Variants in SIPA1L3 observed in about 807,000 individuals in gnomAD.
The protein encoded by SIPA1L3 is signal induced proliferation associated 1 like 3.
Under a neutral mutation model 150.1 loss-of-function variants are expected in SIPA1L3, and 59 were observed. The ratio of observed to expected loss-of-function variants is 0.39; its 90% CI spans 0.32 to 0.49. The LOEUF is 0.49. Among genes scored for constraint, SIPA1L3 ranks in the 20% least tolerant of loss-of-function variants. The pLI, the probability that SIPA1L3 is intolerant of heterozygous loss-of-function variation, is 0.86. For missense variants in SIPA1L3, 2,211 were observed against 2,489.5 expected (o/e 0.89, Z 2.38); for synonymous variants, 1,070 against 1,077.6 (o/e 0.99, Z 0.14).
intron 2 of SIPA1L3, among the ~76,000 whole-genome samples, chr19:38,073,555 A>T (rs1468408054): frequency 6.6e-6 from 1 of 152,138 alleles, no homozygotes; most frequent in African/African-American, 2.4e-5. Context: ...TCCTTCACAC[A>T]GCACCGTGTG....
In SIPA1L3 at chr19:38,119,844, T is replaced by G; in HGVS notation, c.2830T>G (p.Ser944Ala). The change falls in exon 9 of 22, where the codon TCT becomes GCT. Residue 944 changes from serine to alanine, a missense_variant. Physicochemically the swap from Ser to Ala is moderately conservative, Grantham distance 99. Transcript: ENST00000222345. ...DHIFLQATEG[S>A]VEDIREIVQR... ...CATCTTCCTACAGGCGACAGAGGGT[T>G]CTGTGGAGGACATAAGGGAGATAGT... The G allele has an allele frequency of 6.2e-7, 1 of 1,612,872 alleles. No individual in the cohort carries two copies. The highest frequency in any genetic ancestry group is 8.5e-7 in the Non-Finnish European group (1 of 1,179,910).
chr19:38,108,108 C>T (rs1970661078), intron 7 of SIPA1L3, among the ~76,000 whole-genome samples: 3 of 152,126 alleles, frequency 2.0e-5, no homozygotes, highest in Admixed American at 2.0e-4. Flanking sequence ...CCTTGAGTCC[C>T]TGCTGTGTAA....
rs1423162135 is a variant in SIPA1L3 at position 38,082,602 on chromosome 19, A to G, written c.1037A>G (p.Gln346Arg). Reference protein sequence around the residue: ...CQKSFAHFDVQSMLFDLNEAA... With the variant: ...CQKSFAHFDVRSMLFDLNEAA... Reference sequence around the variant, plus strand: ...AAGAGCTTCGCCCACTTCGACGTGCAGAGCATGCTGTTCGACCTCAACGAG... The same window carrying G: ...AAGAGCTTCGCCCACTTCGACGTGCGGAGCATGCTGTTCGACCTCAACGAG... The change falls in exon 3 of 22, where the codon CAG (glutamine) becomes CGG (arginine). Residue 346 changes from glutamine (Q) to arginine (R), a missense_variant. By Grantham distance (43) the Gln-to-Arg change is conservative. Coordinates refer to ENST00000222345, the MANE Select transcript of SIPA1L3 (RefSeq NM_015073.3). The G allele has an allele frequency of 8.1e-6, 13 of 1,604,308 alleles. No homozygotes were observed. Among genetic ancestry groups the G allele is most frequent in the Non-Finnish European group, 9.3e-6 (11 of 1,179,768 alleles).
chr19:38,093,933 C>T (rs539908485), intron 4 of SIPA1L3, among the ~76,000 whole-genome samples: 1 of 152,300 alleles, frequency 6.6e-6, no homozygotes, highest in African/African-American at 2.4e-5. Context: ...CACTGTCTCA[C>T]CCAGGACACT....
At chr19:38,050,677 A>G (rs1435793343) in intron 2 of SIPA1L3, among the ~76,000 whole-genome samples, 1 of 152,212 alleles carries the variant, frequency 6.6e-6, no homozygotes, top group African/African-American at 2.4e-5. Flanking sequence ...AGTTGTCCGA[A>G]GAGCAGGCTT....
chr19:38,060,839 G>A (rs1407713128), intron 2 of SIPA1L3, among the ~76,000 whole-genome samples: 1 of 152,020 alleles, frequency 6.6e-6, no homozygotes, highest in East Asian at 1.9e-4. Flanking sequence ...TTACAGGGGT[G>A]TGCCACCACA....
intron 12 of SIPA1L3, among the ~76,000 whole-genome samples, chr19:38,151,931 C>T (rs1017662843): frequency 3.8e-5 from 5 of 131,728 alleles, no homozygotes; most frequent in Admixed American, 1.9e-4. Context: ...CACTGCACTC[C>T]AGCCTGGTTG....
At chr19:37,983,086 A>G (rs897873877) in intron 1 of SIPA1L3, among the ~76,000 whole-genome samples, 1 of 152,178 alleles carries the variant, frequency 6.6e-6, no homozygotes, top group African/African-American at 2.4e-5. Flanking sequence ...CCTTGCATCT[A>G]CTTCCCTTGG....
chr19:37,955,088 C>CA (rs34802797), intron 1 of SIPA1L3, among the ~76,000 whole-genome samples: 14,878 of 45,070 alleles, frequency 0.33, 3,111 homozygotes, highest in East Asian at 0.7. Context: ...TGCTGTCTCT[C>CA]AAAAAAAAAA....
chr19:38,077,661 C>CTTTTTTTTTTTTTTTTTTTTTTTTTTT (rs58788182), intron 2 of SIPA1L3, among the ~76,000 whole-genome samples: 2 of 64,324 alleles, frequency 3.1e-5, no homozygotes, highest in Non-Finnish European at 5.7e-5. Context: ...TTTTCTTTTT[C>CTTTTTTTTTTTTTTTTTTTTTTTTTTT]TTTTTTTTTT....
At position 37,997,759 on chromosome 19, in the gene SIPA1L3, C is replaced by T. The variant is rs1389953698; in HGVS notation, c.-378-31330C>T. ...GTGCGCTCCTGTAGTCCAGCTACTC[C>T]GGAGGCTGAGGCGGGAGAATCGCTT... On this transcript the variant is annotated intron_variant, in intron 1 of 21. Transcript: ENST00000222345. 6.3e-5 allele frequency among the ~76,000 whole-genome samples: 9 copies of T among 143,610 alleles called. 1 individual carries two copies. The highest frequency in any genetic ancestry group is 4.6e-4 in the South Asian group (2 of 4,354). The allele number at this position is 143,610 out of a possible 152,430, so 94.2% of individuals were successfully genotyped here.
intron 18 of SIPA1L3, among the ~76,000 whole-genome samples, chr19:38,195,381 T>C (rs540229136): frequency 3.9e-5 from 6 of 152,290 alleles, no homozygotes; most frequent in Non-Finnish European, 8.8e-5. Context: ...CTGCGCTCCC[T>C]TCCTGTTCCT....
At position 38,066,804 on chromosome 19, in the gene SIPA1L3, C is replaced by CGACA. The variant is rs537537299; in HGVS notation, c.-310-14449_-310-14446dup. Among the ~76,000 whole-genome samples, 235 of 150,950 alleles carry CGACA rather than the reference C, an allele frequency of 1.6e-3. 1 individual carries two copies. The highest frequency in any genetic ancestry group is 5.5e-3 in the African/African-American group (225 of 40,918). On this transcript the variant is annotated intron_variant, in intron 2 of 21. Coordinates refer to ENST00000222345, the MANE Select transcript of SIPA1L3 (RefSeq NM_015073.3). ...TCACGCCACTGCACTCCAGCCTGGG[C>CGACA]GACAGAGCAAGATTCCATCTCAAAA...
chr19:38,195,067 C>A (rs1164323974), intron 18 of SIPA1L3, among the ~76,000 whole-genome samples: 1 of 151,884 alleles, frequency 6.6e-6, no homozygotes, highest in African/African-American at 2.4e-5. Flanking sequence ...AAAAAAACTT[C>A]CCCTGCAGCT....
In SIPA1L3 at chr19:38,186,938, C is replaced by T. The variant is rs180840548; in HGVS notation, c.4430+4198C>T. ...AGGAGAATTGCTTGAACCCAGGAGG[C>T]GGAGGTTGTGGTGAGCCAAGATCGT... is the stretch of plus-strand genomic sequence containing the variant. On this transcript the variant is annotated intron_variant, in intron 16 of 21. Coordinates refer to ENST00000222345, the MANE Select transcript of SIPA1L3 (RefSeq NM_015073.3). Among the ~76,000 whole-genome samples the T allele has an allele frequency of 1.5e-3, 214 of 143,052 alleles. 3 individuals are homozygous for T. The highest frequency in any genetic ancestry group is 5.4e-3 in the African/African-American group (205 of 38,114). The allele number at this position is 143,052 out of a possible 152,430, so 93.8% of individuals were successfully genotyped here. A position where few individuals can be genotyped will look rare whatever the true frequency, so the allele number is the denominator to read the frequency against.
chr19:37,972,546 T>C (rs1966970228), intron 1 of SIPA1L3, among the ~76,000 whole-genome samples: 1 of 152,000 alleles, frequency 6.6e-6, no homozygotes, highest in Admixed American at 6.6e-5. Flanking sequence ...CTACAAAAAA[T>C]TTAAAAACTT....
chr19:38,170,648 C>T (rs530476052), intron 15 of SIPA1L3, among the ~76,000 whole-genome samples: 2 of 152,304 alleles, frequency 1.3e-5, no homozygotes, highest in East Asian at 3.9e-4. Context: ...CGTCCTGGTA[C>T]GGACGGAGGC....
intron 1 of SIPA1L3, among the ~76,000 whole-genome samples, chr19:37,915,331 C>T (rs185794121): frequency 1.2e-3 from 180 of 152,036 alleles, no homozygotes; most frequent in South Asian, 1.0e-3. Context: ...TTTGGGTGAG[C>T]TTTGCAAGGG....
chr19:38,190,929 G>A (rs562856988), intron 16 of SIPA1L3, among the ~76,000 whole-genome samples: 26 of 152,238 alleles, frequency 1.7e-4, no homozygotes, highest in African/African-American at 6.0e-4. Flanking sequence ...TGATATACAC[G>A]TGACAGTCAA....
Sources: allele counts gnomAD v4.1 joint callset (sites outside exome capture counted in the v4.1 genomes callset), GRCh38; gene constraint gnomAD v4.1.1; transcripts MANE v1.5; gene names NCBI Gene and HGNC (gene_info 2026-07-23, HGNC 2026-07-21).